PALM2AKAP2: variants seen among roughly 807,000 people sequenced by gnomAD.
PALM2AKAP2 encodes PALM2-AKAP2 fusion protein.
A neutral mutation model predicts 71.5 loss-of-function variants in PALM2AKAP2; 37 were observed. That is an observed-to-expected ratio of 0.52 (90% confidence interval 0.40 to 0.68). The LOEUF (loss-of-function observed/expected upper bound fraction) is 0.68. Ranked by LOEUF, PALM2AKAP2 falls within the 30% of genes least tolerant of loss-of-function variation. PALM2AKAP2 has a pLI of 0.00. For synonymous variants in PALM2AKAP2, 468 were observed against 478.8 expected (o/e 0.98, Z 0.29); for missense variants, 1,224 against 1,191.8 (o/e 1.03, Z -0.40).
intron 1 of PALM2AKAP2, among the ~76,000 whole-genome samples, chr9:109,859,350 A>G (rs1829251461): frequency 2.6e-5 from 4 of 152,224 alleles, no homozygotes; most frequent in Admixed American, 2.6e-4. Context: ...AATAAGATCT[A>G]AGGTTGGATA....
chr9:109,821,836 T>C (rs1212145859), intron 1 of PALM2AKAP2, among the ~76,000 whole-genome samples: 1 of 152,212 alleles, frequency 6.6e-6, no homozygotes, highest in African/African-American at 2.4e-5. Flanking sequence ...GGGATCTTTG[T>C]AAACTGATCT....
intron 1 of PALM2AKAP2, among the ~76,000 whole-genome samples, chr9:110,076,634 A>C (rs957584603): frequency 4.0e-5 from 6 of 151,720 alleles, no homozygotes; most frequent in African/African-American, 7.3e-5. Context: ...AACTTACAGA[A>C]TATATCCTAT....
At chr9:109,829,189 C>A (rs191587418) in intron 1 of PALM2AKAP2, among the ~76,000 whole-genome samples, 1 of 152,304 alleles carries the variant, frequency 6.6e-6, no homozygotes, top group Admixed American at 6.5e-5. Flanking sequence ...CATAGGCTGT[C>A]TCTCCCTGAG....
chr9:110,083,056 A>C (rs976194305), intron 1 of PALM2AKAP2, among the ~76,000 whole-genome samples: 12 of 152,108 alleles, frequency 7.9e-5, no homozygotes, highest in Non-Finnish European at 1.6e-4. Context: ...CAGGAGAATC[A>C]CTTGAACCTG....
At chr9:109,885,027 T>C (rs1292022272) in intron 3 of PALM2AKAP2, among the ~76,000 whole-genome samples, 1 of 152,214 alleles carries the variant, frequency 6.6e-6, no homozygotes, top group Non-Finnish European at 1.5e-5. Flanking sequence ...ATTTTGAATA[T>C]GGCAAAGACT....
intron 1 of PALM2AKAP2, among the ~76,000 whole-genome samples, chr9:109,691,881 C>CATATAT (rs1184403919): frequency 4.3e-5 from 2 of 46,516 alleles, no homozygotes; most frequent in Admixed American, 5.2e-4. Context: ...CACACACACA[C>CATATAT]ATATATATAT....
exon 2 of PALM2AKAP2, chr9:110,136,168 C>G: frequency 6.2e-7 from 1 of 1,602,740 alleles, no homozygotes; most frequent in Non-Finnish European, 8.5e-7. Context: ...GGCTAAAAAG[C>G]GAGGGAGACA....
intron 1 of PALM2AKAP2, among the ~76,000 whole-genome samples, chr9:109,722,097 A>G (rs780926095): frequency 7.2e-5 from 11 of 152,356 alleles, no homozygotes; most frequent in South Asian, 2.1e-4. Flanking sequence ...GTAGCATTAT[A>G]TGTAATAGCA....
intron 6 of PALM2AKAP2, among the ~76,000 whole-genome samples, chr9:109,936,366 C>T (rs765682668): frequency 5.3e-5 from 8 of 152,056 alleles, no homozygotes; most frequent in Non-Finnish European, 7.4e-5. Context: ...ATTGTGCTTT[C>T]GGATGAGAGG....
chr9:109,985,188 CAAAACA>C (rs1035138900), intron 6 of PALM2AKAP2, among the ~76,000 whole-genome samples: 1 of 150,646 alleles, frequency 6.6e-6, no homozygotes, highest in Admixed American at 6.6e-5. Flanking sequence ...AAAAACAAAA[CAAAACA>C]AAAACAAAAA....
chr9:110,136,433 G>T (rs2119100974), exon 2 of PALM2AKAP2: 1 of 1,614,204 alleles, frequency 6.2e-7, no homozygotes, highest in Middle Eastern at 1.6e-4. Flanking sequence ...CAACTGCTGT[G>T]ATTCTGCTGT....
chr9:109,774,353 A>G (rs1195826645), intron 1 of PALM2AKAP2, among the ~76,000 whole-genome samples: 1 of 152,220 alleles, frequency 6.6e-6, no homozygotes, highest in Non-Finnish European at 1.5e-5. Flanking sequence ...TGTTTCTACC[A>G]CAGAGCACCT....
chr9:109,875,275 A>C (rs1353251282), intron 2 of PALM2AKAP2, among the ~76,000 whole-genome samples: 1 of 152,116 alleles, frequency 6.6e-6, no homozygotes, highest in East Asian at 1.9e-4. Context: ...CATCAGAGAG[A>C]CCTTTCCCAC....
intron 6 of PALM2AKAP2, among the ~76,000 whole-genome samples, chr9:109,951,561 C>T (rs769885862): frequency 7.2e-5 from 11 of 152,200 alleles, no homozygotes; most frequent in African/African-American, 2.4e-4. Context: ...GAGCACCTTC[C>T]GCTGTTCACT....
chr9:109,862,186 G>A (rs1402094727), intron 1 of PALM2AKAP2, among the ~76,000 whole-genome samples: 1 of 152,142 alleles, frequency 6.6e-6, no homozygotes, highest in Non-Finnish European at 1.5e-5. Flanking sequence ...TCTATTTGGA[G>A]GGAACAGAAA....
At chr9:109,943,924 A>G (rs1347469740) in intron 6 of PALM2AKAP2, 1 of 157,944 alleles carries the variant, frequency 6.3e-6, no homozygotes, top group East Asian at 1.9e-4. Flanking sequence ...CCAAAAGTGG[A>G]CCTTACTTAG....
intron 1 of PALM2AKAP2, among the ~76,000 whole-genome samples, chr9:109,746,520 C>T (rs1828804578): frequency 6.6e-6 from 1 of 152,066 alleles, no homozygotes; most frequent in Admixed American, 6.6e-5. Flanking sequence ...ATCTTAGGGT[C>T]AGAGCTAACA....
intron 3 of PALM2AKAP2, among the ~76,000 whole-genome samples, chr9:109,921,991 A>G (rs1429063710): frequency 1.3e-5 from 2 of 152,176 alleles, no homozygotes; most frequent in Non-Finnish European, 2.9e-5. Context: ...CAGAAAGGCC[A>G]TCTGAGGGGC....
At chr9:109,737,624 C>T (rs1185161433) in intron 1 of PALM2AKAP2, among the ~76,000 whole-genome samples, 1 of 152,166 alleles carries the variant, frequency 6.6e-6, no homozygotes, top group African/African-American at 2.4e-5. Context: ...TAGGGCTTTG[C>T]TAATTTTAGC....
Sources: gnomAD v4.1 joint callset for allele counts (sites outside exome capture counted in the v4.1 genomes callset) on GRCh38, gnomAD v4.1.1 for gene constraint, MANE v1.5 for transcripts, NCBI Gene and HGNC (gene_info 2026-07-23, HGNC 2026-07-21) for gene names.